The following ARHGAP44 variants were observed in gnomAD, a reference collection of about 807,000 sequenced individuals.
The protein encoded by ARHGAP44 is Rho GTPase activating protein 44.
A neutral mutation model predicts 106.8 loss-of-function variants in ARHGAP44; 43 were observed. That is an observed-to-expected ratio of 0.40 (90% confidence interval 0.32 to 0.52). The LOEUF (loss-of-function observed/expected upper bound fraction) is 0.52, where lower values mean the gene tolerates loss of function less well. Among genes scored for constraint, ARHGAP44 ranks in the 20% least tolerant of loss-of-function variants. ARHGAP44 has a pLI of 0.48. For missense variants in ARHGAP44, 866 were observed against 1,050.5 expected (o/e 0.82, Z 2.43); for synonymous variants, 439 against 410.3 (o/e 1.07, Z -0.85).
chr17:12,847,422 G>A (rs1327029418), intron 1 of ARHGAP44, among the ~76,000 whole-genome samples: 1 of 151,494 alleles, frequency 6.6e-6, no homozygotes, highest in Non-Finnish European at 1.5e-5. Flanking sequence ...CGGGGAGAGG[G>A]TTCTCTTTGA....
chr17:12,952,718 GTC>G (rs1598108894), intron 13 of ARHGAP44, 137 bp downstream of exon 13: 20 of 421,134 alleles, frequency 4.7e-5, no homozygotes, highest in East Asian at 8.1e-5. Flanking sequence ...AACATGCATG[GTC>G]TCTTTTTTTT....
intron 16 of ARHGAP44, among the ~76,000 whole-genome samples, chr17:12,961,401 A>T (rs2039257405): frequency 6.6e-6 from 1 of 152,228 alleles, no homozygotes; most frequent in African/African-American, 2.4e-5. Flanking sequence ...TACATAATGT[A>T]TTGTTGTACA....
rs138111077 is a variant in ARHGAP44, at chr17:12,938,394, A to G, written c.583-2662A>G. Among the ~76,000 whole-genome samples, 646 of 152,228 alleles carry G rather than the reference A, an allele frequency of 4.2e-3. 3 individuals are homozygous for G. Among genetic ancestry groups the G allele is most frequent in the Middle Eastern group, 0.014 (4 of 294 alleles). On this transcript the variant is annotated intron_variant, in intron 7 of 20. Coordinates refer to ENST00000379672, the MANE Select transcript of ARHGAP44 (RefSeq NM_014859.6). ...TTTGAATTACTAGTTCTTAAAATAC[A>G]TTATACAGTCACATGATTAAAACTT...
At chr17:12,947,143 C>T (rs777193540) in intron 10 of ARHGAP44, among the ~76,000 whole-genome samples, 21 of 152,190 alleles carry the variant, frequency 1.4e-4, no homozygotes, top group Non-Finnish European at 2.4e-4. Context: ...TAGCTCTCAA[C>T]ATTTGCAGCT....
chr17:12,834,681 C>G (rs1458588433), intron 1 of ARHGAP44, among the ~76,000 whole-genome samples: 2 of 152,124 alleles, frequency 1.3e-5, no homozygotes, highest in Non-Finnish European at 2.9e-5. Context: ...CATACACAAA[C>G]AAAGTCCCTT....
intron 7 of ARHGAP44, among the ~76,000 whole-genome samples, chr17:12,940,551 A>G (rs2038678844): frequency 6.6e-6 from 1 of 152,156 alleles, no homozygotes; most frequent in Non-Finnish European, 1.5e-5. Flanking sequence ...TTCCCTGTGC[A>G]CCTGTCTTAT....
In ARHGAP44 at chr17:12,830,616, C is replaced by T. The variant is rs145731188; in HGVS notation, c.53+40725C>T. ...AGTCTAGTCACCATTTGCCTTGCGA[C>T]CTTAGGCAAGTCATTTTATCCTGGA... is the stretch of plus-strand genomic sequence containing the variant. On this transcript the variant is annotated intron_variant, in intron 1 of 20. Coordinates refer to ENST00000379672, the MANE Select transcript of ARHGAP44 (RefSeq NM_014859.6). Among the ~76,000 whole-genome samples, 9 of 152,264 alleles carry T rather than the reference C, an allele frequency of 5.9e-5. No individual in the cohort carries two copies. The East Asian group carries it at 1.7e-3, about 29-fold the overall frequency.
chr17:12,902,350 C>G (rs2037398261), intron 3 of ARHGAP44, among the ~76,000 whole-genome samples: 1 of 152,218 alleles, frequency 6.6e-6, no homozygotes, highest in African/African-American at 2.4e-5. Context: ...CGGTTCTCAG[C>G]TCAGATGTCA....
At chr17:12,845,098 G>C (rs1387891769) in intron 1 of ARHGAP44, among the ~76,000 whole-genome samples, 4 of 152,114 alleles carry the variant, frequency 2.6e-5, no homozygotes, top group African/African-American at 9.7e-5. Context: ...AAACCTTCCT[G>C]AACACCCTCC....
At chr17:12,816,954 A>G (rs1315899015) in intron 1 of ARHGAP44, among the ~76,000 whole-genome samples, 1 of 152,164 alleles carries the variant, frequency 6.6e-6, no homozygotes, top group African/African-American at 2.4e-5. Flanking sequence ...AATAAGATAT[A>G]CAGAGGATAC....
chr17:12,890,465 G>A (rs998971035), intron 1 of ARHGAP44, among the ~76,000 whole-genome samples: 1 of 152,202 alleles, frequency 6.6e-6, no homozygotes, highest in Non-Finnish European at 1.5e-5. Context: ...GGCTGGGGCA[G>A]CCAAGGAGCT....
At chr17:12,801,004 C>T (rs1424445674) in intron 1 of ARHGAP44, among the ~76,000 whole-genome samples, 2 of 152,244 alleles carry the variant, frequency 1.3e-5, no homozygotes. Context: ...CCACAAGGAG[C>T]ATAAAGTGAA....
At chr17:12,945,021 T>A (rs1273007754) in intron 10 of ARHGAP44, among the ~76,000 whole-genome samples, 2 of 152,056 alleles carry the variant, frequency 1.3e-5, no homozygotes, top group African/African-American at 4.8e-5. Flanking sequence ...ATTTTTTTTT[T>A]TCTTTTTGAG....
At chr17:12,896,690 C>G (rs1167597017) in intron 3 of ARHGAP44, among the ~76,000 whole-genome samples, 179 bp downstream of exon 3, 1 of 152,224 alleles carries the variant, frequency 6.6e-6, no homozygotes, top group East Asian at 1.9e-4. Flanking sequence ...CCCTACTGTT[C>G]TTGCTCTTTA....
chr17:12,914,179 A>G lies in ARHGAP44; in HGVS notation c.276-1721A>G, dbSNP rs1037553122. Among the ~76,000 whole-genome samples the G allele has an allele frequency of 3.5e-4, 54 of 152,200 alleles. 2 individuals carry two copies. Among genetic ancestry groups the G allele is most frequent in the Non-Finnish European group, 4.4e-5 (3 of 68,046 alleles). On this transcript the variant is annotated intron_variant, in intron 4 of 20. Transcript: ENST00000379672. ...AACAGGCACTTCATGGGAGAGGGAT[A>G]TTAAGTCTTACTAGCAGTCAAGGAA...
chr17:12,887,873 T>G (rs1211425194), intron 1 of ARHGAP44, among the ~76,000 whole-genome samples: 2 of 151,856 alleles, frequency 1.3e-5, no homozygotes, highest in Non-Finnish European at 2.9e-5. Context: ...TTTGTTTTTT[T>G]TTTTTTTAGG....
At chr17:12,943,561 G>A in intron 8 of ARHGAP44, 27 bp from the exon 9 acceptor site, 1 of 1,611,334 alleles carries the variant, frequency 6.2e-7, no homozygotes, top group South Asian at 1.1e-5. Flanking sequence ...CCTCACTAAG[G>A]GTGATGCTTG....
At chr17:12,955,729 G>T (rs980461606) in intron 13 of ARHGAP44, 138 bp from the exon 14 acceptor site, 6 of 589,340 alleles carry the variant, frequency 1.0e-5, no homozygotes, top group African/African-American at 1.9e-5. Flanking sequence ...GACACGTGAC[G>T]CATGTTCATT....
intron 18 of ARHGAP44, among the ~76,000 whole-genome samples, chr17:12,974,666 G>A (rs1397106107): frequency 6.6e-6 from 1 of 152,066 alleles, no homozygotes; most frequent in Non-Finnish European, 1.5e-5. Context: ...GACCCCCAGC[G>A]CATATCTGAA....
Sources: gnomAD v4.1 joint callset for allele counts (sites outside exome capture counted in the v4.1 genomes callset) on GRCh38, gnomAD v4.1.1 for gene constraint, MANE v1.5 for transcripts, NCBI Gene and HGNC (gene_info 2026-07-23, HGNC 2026-07-21) for gene names.